SHANK1: variants seen among roughly 807,000 people sequenced by gnomAD.
The protein encoded by SHANK1 is SH3 and multiple ankyrin repeat domains protein 1.
A neutral mutation model predicts 165.6 loss-of-function variants in SHANK1; 35 were observed. That is an observed-to-expected ratio of 0.21 (90% CI 0.16 to 0.28). The LOEUF is 0.28. Among genes scored for constraint, SHANK1 ranks in the 10% least tolerant of loss-of-function variants. The pLI, the probability that SHANK1 is intolerant of heterozygous loss-of-function variation, is 1.00. For synonymous variants in SHANK1, 1,428 were observed against 1,384.8 expected (o/e 1.03, Z -0.69); for missense variants, 2,681 against 3,036.4 (o/e 0.88, Z 2.75).
rs1003106643 is a variant in SHANK1 at position 50,696,426 on chromosome 19, G to A, written c.1964+670C>T. Among the ~76,000 whole-genome samples the A allele has an allele frequency of 9.7e-5, 11 of 112,892 alleles. No individual in the cohort carries two copies. The Admixed American group carries it at 1.1e-3, about 11-fold the overall frequency. The allele number at this position is 112,892 out of a possible 152,430, so 74.1% of individuals were successfully genotyped here. A position where few individuals can be genotyped will look rare whatever the true frequency, so the allele number is the denominator to read the frequency against. On this transcript the variant is annotated intron_variant, in intron 15 of 23. Transcript: ENST00000293441. ...CCATTTCTCTGTCCCCCCCATCCCCGACCCATCCCCACTGGCCAGAACACA... is the reference window on the plus strand; with the variant it reads ...CCATTTCTCTGTCCCCCCCATCCCCAACCCATCCCCACTGGCCAGAACACA...
In SHANK1 at chr19:50,668,759, G is replaced by A. The variant is rs1222616865; in HGVS notation, c.3201C>T (p.His1067=). 23 of 1,276,842 alleles carry A rather than the reference G, an allele frequency of 1.8e-5. No homozygotes were observed. The highest frequency in any genetic ancestry group is 9.0e-5 in the South Asian group (3 of 33,314). 79.1% of individuals were successfully genotyped at this position (1,276,842 alleles called of 1,614,324 possible). ...AGCCGCCGCCCCCGCCCGCGCTGCCGTGGTGCGATGGGGACGGGGCCCCCG... is the reference window on the plus strand; with the variant it reads ...AGCCGCCGCCCCCGCCCGCGCTGCCATGGTGCGATGGGGACGGGGCCCCCG... ...PTPGAPSPSH[H]GSAGGGGGSS... The change falls in exon 23 of 24, where the codon CAC becomes CAT. Residue 1067 remains histidine (H), a synonymous_variant. Coordinates refer to ENST00000293441, the MANE Select transcript of SHANK1 (RefSeq NM_016148.5).
Position 50,689,000 on chromosome 19 carries a change from G to T in SHANK1, c.2048-32C>A. On this transcript the variant is annotated intron_variant, in intron 16 of 23. Coordinates refer to ENST00000293441, the MANE Select transcript of SHANK1 (RefSeq NM_016148.5). This position sits in a 1 kb window ranked among gnomAD's most constrained non-coding sequence, Gnocchi z 6.7. ...ACAGGGAGGAGCCGGCGGGGTCGGA[G>T]GGGAGGGGGTGGAGAGGCCGAGCAG... 1.3e-6 allele frequency: 2 copies of T among 1,485,014 alleles called. No homozygotes were observed. The highest frequency in any genetic ancestry group is 1.8e-6 in the Non-Finnish European group (2 of 1,090,118). 92.0% of individuals were successfully genotyped at this position (1,485,014 alleles called of 1,614,324 possible).
chr19:50,708,491 C>A (rs568070550), intron 8 of SHANK1, among the ~76,000 whole-genome samples: 3 of 151,840 alleles, frequency 2.0e-5, no homozygotes, highest in Non-Finnish European at 4.4e-5. Context: ...TCCCACCCCC[C>A]CCAACCCCGC....
intron 8 of SHANK1, among the ~76,000 whole-genome samples, chr19:50,707,108 G>A (rs2123185367): frequency 6.6e-6 from 1 of 152,254 alleles, no homozygotes; most frequent in South Asian, 2.1e-4. Flanking sequence ...CCACACTGAT[G>A]TATGTGCCAG....
chr19:50,681,814 C>T (rs1290844582), intron 21 of SHANK1, among the ~76,000 whole-genome samples: 1 of 152,162 alleles, frequency 6.6e-6, no homozygotes, highest in Admixed American at 6.5e-5. Flanking sequence ...TTCTGTTGCC[C>T]AGGCTGGAGC....
chr19:50,687,572 G>A lies in SHANK1; in HGVS notation c.2389+10C>T, dbSNP rs369841448. The A allele has an allele frequency of 4.1e-5, 64 of 1,545,390 alleles. No homozygotes were observed. The highest frequency in any genetic ancestry group is 5.1e-5 in the Non-Finnish European group (58 of 1,144,292). Reference sequence around the variant, plus strand: ...CCGGCCCCCTGGCCTCAGCAGCCCCGCAGGCTCACCCATCTCCTCCAGCTC... The same window carrying A: ...CCGGCCCCCTGGCCTCAGCAGCCCCACAGGCTCACCCATCTCCTCCAGCTC... On this transcript the variant is annotated intron_variant, in intron 19 of 23. Coordinates refer to ENST00000293441, the MANE Select transcript of SHANK1 (RefSeq NM_016148.5).
chr19:50,702,285 AG>A lies in SHANK1; in HGVS notation c.1747+181del, dbSNP rs541746938. ...ACGGCTCACTTCACTGCCTCCTGAC[AG>A]GGTCATCTGAGCTACACTCTATGGT... On this transcript the variant is annotated intron_variant, in intron 12 of 23. Transcript: ENST00000293441. The surrounding 1 kb of genome is among the most constrained non-coding windows in gnomAD (Gnocchi z 5.3). Among the ~76,000 whole-genome samples, 10 of 152,022 alleles carry A rather than the reference AG, an allele frequency of 6.6e-5. No homozygotes were observed. Among genetic ancestry groups the A allele is most frequent in the Non-Finnish European group, 1.5e-4 (10 of 67,978 alleles).
rs35743451 is a variant in SHANK1, at chr19:50,709,295, C to A, written c.1077+2076G>T. On this transcript the variant is annotated intron_variant, in intron 8 of 23. Coordinates refer to ENST00000293441, the MANE Select transcript of SHANK1 (RefSeq NM_016148.5). ...CTGGGACTACAGGCGCCCGCCACCACGCCTGGCTAACTTTTTTTTGCATTT... is the reference window on the plus strand; with the variant it reads ...CTGGGACTACAGGCGCCCGCCACCAAGCCTGGCTAACTTTTTTTTGCATTT... Among the ~76,000 whole-genome samples, 871 of 152,034 alleles carry A rather than the reference C, an allele frequency of 5.7e-3. 12 individuals carry two copies. The highest frequency in any genetic ancestry group is 0.019 in the African/African-American group (801 of 41,458).
chr19:50,679,229 G>C (rs1194880875), intron 21 of SHANK1, among the ~76,000 whole-genome samples: 1 of 144,428 alleles, frequency 6.9e-6, no homozygotes, highest in Non-Finnish European at 1.5e-5. Context: ...AGGGGTCAGG[G>C]TGACGGGAGA....
chr19:50,680,493 C>G (rs111579559), intron 21 of SHANK1, among the ~76,000 whole-genome samples: 1,966 of 152,192 alleles, frequency 0.013, 47 homozygotes, highest in African/African-American at 0.045. Context: ...GGCGGATGGA[C>G]AGCAGAGCCC....
chr19:50,662,078 C>T lies in SHANK1; in HGVS notation c.6373G>A (p.Asp2125Asn), dbSNP rs201332785. Reference protein sequence around the residue: ...HRAQFLDHEIDGSHLPALTKE... With the variant: ...HRAQFLDHEINGSHLPALTKE... ...GTCAAGGCGGGCAGGTGGGAGCCATCGATCTCGTGGTCCAGGAACTGGGCT... is the reference window on the plus strand; with the variant it reads ...GTCAAGGCGGGCAGGTGGGAGCCATTGATCTCGTGGTCCAGGAACTGGGCT... The change falls in exon 24 of 24, where the codon GAT becomes AAT. Residue 2125 changes from aspartate to asparagine, a missense_variant. Asp to Asn is a conservative substitution (Grantham distance 23, BLOSUM62 1). Around this residue, in one of 10 missense-constraint regions of SHANK1, gnomAD observed 49 missense variants for 94.2 expected, o/e 0.52. Transcript: ENST00000293441. This position sits in a 1 kb window ranked among gnomAD's most constrained non-coding sequence, Gnocchi z 7.7. 126 of 1,614,194 alleles carry T rather than the reference C, an allele frequency of 7.8e-5. No homozygotes were observed. The highest frequency in any genetic ancestry group is 4.3e-4 in the Admixed American group (26 of 60,020).
In SHANK1 at chr19:50,680,093, G is replaced by A. The variant is rs79562587; in HGVS notation, c.2577+6144C>T. Among the ~76,000 whole-genome samples the A allele has an allele frequency of 1.4e-3, 209 of 152,094 alleles. 2 individuals carry two copies. The East Asian group carries it at 0.027, about 20-fold the overall frequency. On this transcript the variant is annotated intron_variant, in intron 21 of 23. Transcript: ENST00000293441. ...ACAGAGACAGAGATGGAGAGACAGA[G>A]ACAAAGAGACAAAGACAGATGGGGG...
At chr19:50,709,199 C>A (rs573828234) in intron 8 of SHANK1, among the ~76,000 whole-genome samples, 1 of 152,180 alleles carries the variant, frequency 6.6e-6, no homozygotes, top group Admixed American at 6.5e-5. Flanking sequence ...AGTGCAGTGG[C>A]ATGATCTTGG....
At chr19:50,703,372 G>A in intron 11 of SHANK1, 128 bp downstream of exon 11, 1 of 761,630 alleles carries the variant, frequency 1.3e-6, no homozygotes, top group Non-Finnish European at 2.1e-6. Flanking sequence ...TTTACCCCAA[G>A]GTGACACTAG....
chr19:50,709,146 T>C (rs1205985772), intron 8 of SHANK1, among the ~76,000 whole-genome samples: 2 of 152,240 alleles, frequency 1.3e-5, no homozygotes, highest in East Asian at 3.8e-4. Flanking sequence ...TATTTATTTA[T>C]TTATTTTTTT....
chr19:50,667,204 G>A lies in SHANK1; in HGVS notation c.4756C>T (p.Pro1586Ser). 6.3e-7 allele frequency: 1 copy of A among 1,576,724 alleles called. No individual in the cohort carries two copies. The stretch of plus-strand genomic sequence containing the variant: ...TCGGGCAGCGGGTGGGGAGGCCCAG[G>A]CGTGAGGGGCGACTCTGGCTTTTCG... ...SFEKPESPLT[P>S]GPPHPLPDTP... Residue 1586 changes from proline to serine, a missense_variant, in exon 23 of 24, where the codon CCT becomes TCT. This residue lies in a region of SHANK1 where 1,713 missense variants were observed against 1,630.2 expected (regional missense o/e 1.05). Coordinates refer to ENST00000293441, the MANE Select transcript of SHANK1 (RefSeq NM_016148.5). The surrounding 1 kb of genome is among the most constrained non-coding windows in gnomAD (Gnocchi z 5.7).
In SHANK1 at chr19:50,666,606, G is replaced by A; in HGVS notation, c.5354C>T (p.Pro1785Leu). 6.2e-7 allele frequency: 1 copy of A among 1,600,510 alleles called. No homozygotes were observed. The highest frequency in any genetic ancestry group is 8.5e-7 in the Non-Finnish European group (1 of 1,175,738). ...GLRDPVTPTS[P>L]TVSVTGAGTD... is the part of the protein sequence containing the mutation. Reference sequence around the variant, plus strand: ...TCCAGCCCCTGTCACCGAGACGGTGGGGCTGGTGGGGGTAACAGGGTCTCG... The same window carrying A: ...TCCAGCCCCTGTCACCGAGACGGTGAGGCTGGTGGGGGTAACAGGGTCTCG... Residue 1785 changes from proline (P) to leucine (L), a missense_variant, in exon 23 of 24, where the codon CCC (proline) becomes CTC (leucine). Around this residue, in one of 10 missense-constraint regions of SHANK1, gnomAD observed 1,713 missense variants for 1,630.2 expected, o/e 1.05. Coordinates refer to ENST00000293441, the MANE Select transcript of SHANK1 (RefSeq NM_016148.5).
rs754623779 is a variant in SHANK1, at chr19:50,666,280, C to G, written c.5680G>C (p.Ala1894Pro). The change falls in exon 23 of 24, where the codon GCC becomes CCC. Residue 1894 changes from alanine (A) to proline (P), a missense_variant. Ala to Pro is a conservative substitution (Grantham distance 27, BLOSUM62 -1). Coordinates refer to ENST00000293441, the MANE Select transcript of SHANK1 (RefSeq NM_016148.5). ...CCGCCTCCCCCACTGCCTCCTCGGG[C>G]CCAGGGCAGAGCGCCGCCAGCTGCC... ...SSAAGGALPW[A>P]RGGSGGGGDS... 6.2e-7 allele frequency: 1 copy of G among 1,611,608 alleles called. No homozygotes were observed. The highest frequency in any genetic ancestry group is 1.3e-5 in the African/African-American group (1 of 74,920).
Position 50,697,465 on chromosome 19 carries a change from T to C in SHANK1, c.1937+124A>G. ...AGCTAATTCTGGCTTATCCCACCCC[T>C]GGATCAAACTTGAGAAGGAACAGAT... On this transcript the variant is annotated intron_variant, in intron 14 of 23. Transcript: ENST00000293441. The surrounding 1 kb of genome is among the most constrained non-coding windows in gnomAD (Gnocchi z 4.7). 1.1e-6 allele frequency: 1 copy of C among 890,796 alleles called. No individual in the cohort carries two copies. The highest frequency in any genetic ancestry group is 1.4e-5 in the South Asian group (1 of 70,724). 55.2% of individuals were successfully genotyped at this position (890,796 alleles called of 1,614,324 possible).
Sources: allele counts gnomAD v4.1 joint callset (sites outside exome capture counted in the v4.1 genomes callset), GRCh38; gene constraint gnomAD v4.1.1; regional missense constraint gnomAD v4.1.1; non-coding constraint Gnocchi (gnomAD v3.1); transcripts MANE v1.5; gene names NCBI Gene and HGNC (gene_info 2026-07-23, HGNC 2026-07-21).